The following ITGBL1 variants were observed in gnomAD, a reference collection of about 807,000 sequenced individuals.
The protein encoded by ITGBL1 is integrin subunit beta like 1.
In ITGBL1, 51 loss-of-function variants were observed where a neutral mutation model predicts 68.5. That is an observed-to-expected ratio of 0.74 (90% CI 0.59 to 0.94). The LOEUF (loss-of-function observed/expected upper bound fraction) is 0.94, where lower values mean the gene tolerates loss of function less well. Among genes scored for constraint, ITGBL1 ranks in the 40% least tolerant of loss-of-function variants. ITGBL1 has a pLI of 0.00. For missense variants in ITGBL1, 649 were observed against 647.4 expected (o/e 1.00, Z -0.03); for synonymous variants, 209 against 227.3 (o/e 0.92, Z 0.72).
intron 7 of ITGBL1, among the ~76,000 whole-genome samples, chr13:101,686,542 A>G (rs900559409): frequency 4.6e-5 from 7 of 152,124 alleles, no homozygotes; most frequent in African/African-American, 1.7e-4. Flanking sequence ...TCAATCTAAT[A>G]GCATTAAAAT....
At chr13:101,663,623 C>T (rs1292063443) in intron 7 of ITGBL1, among the ~76,000 whole-genome samples, 1 of 152,050 alleles carries the variant, frequency 6.6e-6, no homozygotes, top group Non-Finnish European at 1.5e-5. Flanking sequence ...AGGTAATGTT[C>T]CATTTGACTG....
At chr13:101,569,746 A>G (rs1361816914) in intron 3 of ITGBL1, among the ~76,000 whole-genome samples, 1 of 152,150 alleles carries the variant, frequency 6.6e-6, no homozygotes, top group Non-Finnish European at 1.5e-5. Context: ...CATAATACAT[A>G]TTCTTAGGTA....
chr13:101,575,529 CAGA>C lies in ITGBL1; in HGVS notation c.574_576del (p.Glu192del). 1 of 1,612,142 alleles carries C rather than the reference CAGA, an allele frequency of 6.2e-7. No individual in the cohort carries two copies. Among genetic ancestry groups the C allele is most frequent in the Non-Finnish European group, 8.5e-7 (1 of 1,178,600 alleles). ...GATAGAGAATGCATAGACGATGAAA[CAGA>C]AGAAATATGTGGAGGTATGTATATT... On this transcript the variant is annotated inframe_deletion, in exon 4 of 11. Transcript: ENST00000376180.
At chr13:101,674,338 C>A (rs1399834284) in intron 7 of ITGBL1, among the ~76,000 whole-genome samples, 1 of 152,158 alleles carries the variant, frequency 6.6e-6, no homozygotes, top group African/African-American at 2.4e-5. Flanking sequence ...AAACCCTTGT[C>A]TTCTTTTGCC....
chr13:101,631,091 G>A (rs1427796869), intron 7 of ITGBL1, among the ~76,000 whole-genome samples: 1 of 152,156 alleles, frequency 6.6e-6, no homozygotes, highest in Non-Finnish European at 1.5e-5. Flanking sequence ...ATATCCTGCA[G>A]TAAGAAAAGT....
intron 7 of ITGBL1, among the ~76,000 whole-genome samples, chr13:101,651,717 T>C (rs965422382): frequency 1.3e-5 from 2 of 152,170 alleles, no homozygotes; most frequent in African/African-American, 4.8e-5. Flanking sequence ...GCAATTGCTT[T>C]TGACGTTTTC....
chr13:101,564,681 C>G (rs1160989260), intron 2 of ITGBL1, among the ~76,000 whole-genome samples: 1 of 149,010 alleles, frequency 6.7e-6, no homozygotes, highest in East Asian at 2.0e-4. Context: ...CCAGGATAAA[C>G]ATACATATAC....
chr13:101,703,347 T>C (rs1438885794), intron 8 of ITGBL1, among the ~76,000 whole-genome samples: 1 of 152,080 alleles, frequency 6.6e-6, no homozygotes, highest in South Asian at 2.1e-4. Context: ...TGCAAAAACA[T>C]GAGGTCAGAA....
chr13:101,470,919 C>G (rs2048448257), intron 2 of ITGBL1, among the ~76,000 whole-genome samples: 1 of 80,628 alleles, frequency 1.2e-5, no homozygotes, highest in Admixed American at 1.4e-4. Flanking sequence ...TATCATCTTA[C>G]CATTCTAAAG....
chr13:101,454,700 C>A (rs1160685592), intron 2 of ITGBL1, among the ~76,000 whole-genome samples: 1 of 152,128 alleles, frequency 6.6e-6, no homozygotes, highest in Non-Finnish European at 1.5e-5. Context: ...TTCCTCCATT[C>A]TAGGGAGGCA....
chr13:101,565,424 G>A (rs536044009), intron 2 of ITGBL1, among the ~76,000 whole-genome samples: 2 of 152,026 alleles, frequency 1.3e-5, no homozygotes, highest in African/African-American at 4.8e-5. Context: ...TTCCTAAATG[G>A]AAGAAAATGA....
chr13:101,660,260 G>A (rs996077459), intron 7 of ITGBL1, among the ~76,000 whole-genome samples: 2 of 152,152 alleles, frequency 1.3e-5, no homozygotes, highest in Non-Finnish European at 2.9e-5. Flanking sequence ...ATAGTTTGGT[G>A]GATAGGGGCC....
chr13:101,544,271 A>G (rs1341277957), intron 2 of ITGBL1, among the ~76,000 whole-genome samples: 1 of 152,202 alleles, frequency 6.6e-6, no homozygotes, highest in African/African-American at 2.4e-5. Flanking sequence ...TCCTTCTAAC[A>G]GTCAGGACCC....
intron 7 of ITGBL1, among the ~76,000 whole-genome samples, chr13:101,667,976 T>A (rs987954454): frequency 6.6e-6 from 1 of 152,090 alleles, no homozygotes; most frequent in Non-Finnish European, 1.5e-5. Flanking sequence ...TGGTTTTAAA[T>A]TTGTTGGTAA....
chr13:101,571,765 T>G (rs1039251225), intron 3 of ITGBL1, among the ~76,000 whole-genome samples: 2 of 152,206 alleles, frequency 1.3e-5, no homozygotes, highest in African/African-American at 4.8e-5. Flanking sequence ...CCATGTGTTC[T>G]TTTGCACTCT....
intron 7 of ITGBL1, among the ~76,000 whole-genome samples, chr13:101,684,184 G>T (rs957103695): frequency 6.6e-6 from 1 of 151,898 alleles, no homozygotes. Flanking sequence ...TATATGCAAG[G>T]AATTGTTTTT....
chr13:101,503,651 A>T (rs1196952811), intron 2 of ITGBL1, among the ~76,000 whole-genome samples: 1 of 152,342 alleles, frequency 6.6e-6, no homozygotes, highest in Admixed American at 6.5e-5. Flanking sequence ...CCGAAAAATG[A>T]GGAACCACTG....
chr13:101,507,591 G>A (rs985407964), intron 2 of ITGBL1, among the ~76,000 whole-genome samples: 6 of 152,096 alleles, frequency 3.9e-5, no homozygotes, highest in Non-Finnish European at 7.3e-5. Context: ...ATTCTTTTAT[G>A]TAGTCTTTCT....
intron 7 of ITGBL1, among the ~76,000 whole-genome samples, chr13:101,648,912 A>G (rs1395090860): frequency 6.6e-6 from 1 of 152,088 alleles, no homozygotes; most frequent in Non-Finnish European, 1.5e-5. Context: ...TCACTTTATG[A>G]CAATTCATTG....
Sources: allele counts gnomAD v4.1 joint callset (sites outside exome capture counted in the v4.1 genomes callset), GRCh38; gene constraint gnomAD v4.1.1; transcripts MANE v1.5; gene names NCBI Gene and HGNC (gene_info 2026-07-23, HGNC 2026-07-21).